The following LHFPL2 variants were observed in gnomAD, a reference collection of about 807,000 sequenced individuals.
LHFPL2 encodes the protein LHFPL tetraspan subfamily member 2.
A neutral mutation model predicts 17.5 loss-of-function variants in LHFPL2; 7 were observed. The ratio of observed to expected loss-of-function variants is 0.40; its 90% confidence interval spans 0.23 to 0.75. The LOEUF is 0.75. Among genes scored for constraint, LHFPL2 ranks in the 30% least tolerant of loss-of-function variants. The pLI is 0.37. For synonymous variants in LHFPL2, 134 were observed against 116.2 expected (o/e 1.15, Z -0.99); for missense variants, 241 against 294.8 (o/e 0.82, Z 1.34).
chr5:78,519,708 T>C (rs750195129), intron 3 of LHFPL2, among the ~76,000 whole-genome samples: 1 of 152,242 alleles, frequency 6.6e-6, no homozygotes, highest in Non-Finnish European at 1.5e-5. Flanking sequence ...ACTTAGCACA[T>C]GGCCAGCACT....
intron 4 of LHFPL2, chr5:78,494,243 G>A (rs773076293): frequency 1.3e-5 from 5 of 398,388 alleles, no homozygotes; most frequent in Non-Finnish European, 1.7e-5. Flanking sequence ...TCATGACTGG[G>A]TCGCAGCAAG....
chr5:78,614,116 C>T (rs1372319), intron 2 of LHFPL2, among the ~76,000 whole-genome samples: 98,992 of 152,062 alleles, frequency 0.65, 32,497 homozygotes, highest in Non-Finnish European at 0.71. Context: ...ATGAGAAACA[C>T]GAGTTAATGA....
intron 1 of LHFPL2, among the ~76,000 whole-genome samples, chr5:78,638,963 G>A (rs1271123969): frequency 6.6e-6 from 1 of 152,190 alleles, no homozygotes; most frequent in Non-Finnish European, 1.5e-5. Context: ...CAGTTATTAA[G>A]TTTTTAAAAT....
intron 4 of LHFPL2, among the ~76,000 whole-genome samples, chr5:78,492,265 C>T (rs1372685453): frequency 6.6e-6 from 1 of 152,210 alleles, no homozygotes; most frequent in Admixed American, 6.5e-5. Flanking sequence ...TTTAAAAGAC[C>T]AAAGTGTTCA....
chr5:78,610,363 G>A (rs1242444339), intron 2 of LHFPL2, among the ~76,000 whole-genome samples: 1 of 152,232 alleles, frequency 6.6e-6, no homozygotes, highest in African/African-American at 2.4e-5. Flanking sequence ...TGGGAGAAGA[G>A]AAAAGATCCA....
At chr5:78,644,241 G>GA (rs924836432) in intron 1 of LHFPL2, 1,728 of 675,280 alleles carry the variant, frequency 2.6e-3, no homozygotes, top group East Asian at 2.8e-3. Flanking sequence ...TTATAGATAA[G>GA]AAAAAAAAAC....
chr5:78,502,525 A>G (rs1314985821), intron 4 of LHFPL2, among the ~76,000 whole-genome samples: 13 of 152,234 alleles, frequency 8.5e-5, no homozygotes, highest in African/African-American at 7.2e-5. Context: ...ACTGGCTTAC[A>G]TGCAACTGAA....
chr5:78,487,121 T>C lies in LHFPL2; in HGVS notation c.*1776A>G, dbSNP rs1310048606. 1 of 152,198 alleles carries C rather than the reference T, an allele frequency of 6.6e-6. No individual in the cohort carries two copies. The highest frequency in any genetic ancestry group is 1.5e-5 in the Non-Finnish European group (1 of 68,010). 9.4% of individuals were successfully genotyped at this position (152,198 alleles called of 1,614,324 possible). The stretch of plus-strand genomic sequence containing the variant: ...ATTTACATCTCACTCACTTTGAATT[T>C]TGGTTCAGGAATGGGAAACTCATTA... On this transcript the variant is annotated 3_prime_UTR_variant, in exon 5 of 5. Transcript: ENST00000380345.
intron 2 of LHFPL2, among the ~76,000 whole-genome samples, chr5:78,587,757 C>G (rs1743472107): frequency 6.6e-6 from 1 of 152,248 alleles, no homozygotes; most frequent in African/African-American, 2.4e-5. Context: ...ACTAAGCCTT[C>G]AATTTACAGA....
intron 2 of LHFPL2, among the ~76,000 whole-genome samples, chr5:78,598,957 T>G (rs1396574260): frequency 1.3e-5 from 2 of 152,174 alleles, no homozygotes; most frequent in African/African-American, 4.8e-5. Context: ...ACCTTCAAAT[T>G]TACTTCACAA....
intron 2 of LHFPL2, chr5:78,625,700 T>A (rs1445989859): frequency 6.6e-6 from 1 of 152,256 alleles, no homozygotes; most frequent in Non-Finnish European, 1.5e-5. Flanking sequence ...GGAAGTCGTA[T>A]CTTCATTTAT....
At chr5:78,533,580 C>T (rs530329250) in intron 3 of LHFPL2, among the ~76,000 whole-genome samples, 16 of 152,320 alleles carry the variant, frequency 1.1e-4, no homozygotes, top group African/African-American at 3.8e-4. Flanking sequence ...AGAACAATGT[C>T]AGTGCTTGAA....
intron 2 of LHFPL2, among the ~76,000 whole-genome samples, chr5:78,581,273 T>A (rs1743126024): frequency 6.6e-6 from 1 of 152,216 alleles, no homozygotes; most frequent in Non-Finnish European, 1.5e-5. Context: ...CCTAATTGAA[T>A]ACCCTTTATT....
At chr5:78,607,851 C>T (rs186021840) in intron 2 of LHFPL2, among the ~76,000 whole-genome samples, 3,318 of 152,230 alleles carry the variant, frequency 0.022, 112 homozygotes, top group African/African-American at 0.077. Flanking sequence ...TCTGAACATG[C>T]AAAGTCTATC....
At chr5:78,496,293 CTAA>C (rs1267294321) in intron 4 of LHFPL2, among the ~76,000 whole-genome samples, 1 of 151,116 alleles carries the variant, frequency 6.6e-6, no homozygotes, top group Admixed American at 6.6e-5. Flanking sequence ...GATACGAATT[CTAA>C]TGAGACATTG....
chr5:78,523,401 C>T (rs1044034561), intron 3 of LHFPL2, among the ~76,000 whole-genome samples: 1 of 152,032 alleles, frequency 6.6e-6, no homozygotes, highest in Admixed American at 6.6e-5. Flanking sequence ...TCTCAGTGTA[C>T]AGAAAGCCTG....
chr5:78,577,159 G>T (rs1481960508), intron 2 of LHFPL2, among the ~76,000 whole-genome samples: 1 of 152,204 alleles, frequency 6.6e-6, no homozygotes, highest in East Asian at 1.9e-4. Flanking sequence ...AATGAGAGAC[G>T]CAGGCCTTCC....
At chr5:78,580,657 G>C (rs1056834552) in intron 2 of LHFPL2, among the ~76,000 whole-genome samples, 5 of 152,092 alleles carry the variant, frequency 3.3e-5, no homozygotes, top group Non-Finnish European at 5.9e-5. Context: ...GATAGTTGGA[G>C]ATATGCGGCG....
intron 3 of LHFPL2, among the ~76,000 whole-genome samples, chr5:78,524,936 T>C (rs1336111906): frequency 6.6e-6 from 1 of 152,220 alleles, no homozygotes; most frequent in Non-Finnish European, 1.5e-5. Context: ...GGATATTTAA[T>C]ACTTGGTACT....
Sources: allele counts gnomAD v4.1 joint callset (sites outside exome capture counted in the v4.1 genomes callset), GRCh38; gene constraint gnomAD v4.1.1; transcripts MANE v1.5; gene names NCBI Gene and HGNC (gene_info 2026-07-23, HGNC 2026-07-21).